Variants in ADAMTS3 observed in about 807,000 individuals in gnomAD.
ADAMTS3 encodes the protein A disintegrin and metalloproteinase with thrombospondin motifs 3.
ADAMTS3 carries 73 observed loss-of-function variants against 129.0 expected under a neutral mutation model. That is an observed-to-expected ratio of 0.57 (90% CI 0.47 to 0.69). ADAMTS3 has a LOEUF of 0.69. Among genes scored for constraint, ADAMTS3 ranks in the 30% least tolerant of loss-of-function variants. The pLI, the probability that ADAMTS3 is intolerant of heterozygous loss-of-function variation, is 0.00. For synonymous variants in ADAMTS3, 477 were observed against 510.8 expected, an observed-to-expected ratio of 0.93 and a Z score of 0.89; for missense variants, 1,457 against 1,514.5, an observed-to-expected ratio of 0.96 and a Z score of 0.63.
chr4:72,410,701 G>C (rs894861143), intron 4 of ADAMTS3, among the ~76,000 whole-genome samples: 1 of 152,056 alleles, frequency 6.6e-6, no homozygotes, highest in African/African-American at 2.4e-5. Flanking sequence ...TTAGACAAAT[G>C]ATTGATTTAA....
intron 3 of ADAMTS3, among the ~76,000 whole-genome samples, chr4:72,486,669 C>T (rs937927406): frequency 6.6e-6 from 1 of 151,946 alleles, no homozygotes; most frequent in African/African-American, 2.4e-5. Context: ...AATTCTTTCC[C>T]AAAACAGACT....
rs781420930 is a variant in ADAMTS3 at position 72,558,616 on chromosome 4, C to T, written c.97+8758G>A. Among the ~76,000 whole-genome samples the T allele has an allele frequency of 1.2e-4, 18 of 151,670 alleles. 1 individual carries two copies. The highest frequency in any genetic ancestry group is 2.7e-4 in the African/African-American group (11 of 40,994). ...AGGATCCAGGCACAGACATCTTTGG[C>T]GTGCCATTATTCTGCCTGCCACAGC... On this transcript the variant is annotated intron_variant, in intron 2 of 21. Transcript: ENST00000286657.
At position 72,385,430 on chromosome 4, in the gene ADAMTS3, C is replaced by T. The variant is rs985417358; in HGVS notation, c.661+29385G>A. ...AGGTAATAAATAAGGTACACAGGTA[C>T]GAAGAGCAGGTAGGACAAACAGACA... is the stretch of plus-strand genomic sequence containing the variant. On this transcript the variant is annotated intron_variant, in intron 4 of 21. Transcript: ENST00000286657. Among the ~76,000 whole-genome samples, 5 of 151,766 alleles carry T rather than the reference C, an allele frequency of 3.3e-5. No individual in the cohort carries two copies. The East Asian group carries it at 5.8e-4, about 18-fold the overall frequency.
intron 12 of ADAMTS3, among the ~76,000 whole-genome samples, chr4:72,313,215 TAGATA>T (rs375177265): frequency 1.3e-5 from 2 of 152,190 alleles, no homozygotes; most frequent in African/African-American, 4.8e-5. Context: ...AGTGAATGAA[TAGATA>T]ACTTTCCCCC....
chr4:72,321,613 T>A (rs371153246), intron 6 of ADAMTS3, among the ~76,000 whole-genome samples: 2 of 152,170 alleles, frequency 1.3e-5, no homozygotes, highest in African/African-American at 2.4e-5. Context: ...TTTCCAGAGA[T>A]GTGAAGGTAT....
intron 4 of ADAMTS3, among the ~76,000 whole-genome samples, chr4:72,359,202 G>A (rs928390137): frequency 6.6e-6 from 1 of 151,976 alleles, no homozygotes; most frequent in Admixed American, 6.6e-5. Context: ...TTTACAATCA[G>A]ACAAGTAACT....
At chr4:72,398,698 T>A (rs1313983103) in intron 4 of ADAMTS3, among the ~76,000 whole-genome samples, 1 of 152,194 alleles carries the variant, frequency 6.6e-6, no homozygotes, top group East Asian at 1.9e-4. Context: ...CTCATGCACA[T>A]CTTTATGAAA....
At chr4:72,566,851 G>A (rs898862624) in intron 2 of ADAMTS3, among the ~76,000 whole-genome samples, 1 of 152,116 alleles carries the variant, frequency 6.6e-6, no homozygotes, top group African/African-American at 2.4e-5. Context: ...TTAGCAAAAG[G>A]CCTAACAGTA....
intron 3 of ADAMTS3, among the ~76,000 whole-genome samples, chr4:72,528,987 C>A (rs1184590421): frequency 6.6e-6 from 1 of 152,016 alleles, no homozygotes; most frequent in Non-Finnish European, 1.5e-5. Flanking sequence ...ATATCAAAAG[C>A]ACCAATATAC....
At chr4:72,397,407 T>C (rs1721753512) in intron 4 of ADAMTS3, among the ~76,000 whole-genome samples, 1 of 151,862 alleles carries the variant, frequency 6.6e-6, no homozygotes. Flanking sequence ...CTACCAAAAG[T>C]ACAATAAATT....
intron 4 of ADAMTS3, among the ~76,000 whole-genome samples, chr4:72,351,897 C>T (rs1350093147): frequency 4.6e-5 from 7 of 151,924 alleles, no homozygotes; most frequent in Admixed American, 2.6e-4. Flanking sequence ...CAGAAAGCCA[C>T]GTTACAGAGG....
At chr4:72,530,343 A>C (rs1298826553) in intron 3 of ADAMTS3, among the ~76,000 whole-genome samples, 2 of 85,128 alleles carry the variant, frequency 2.3e-5, no homozygotes, top group East Asian at 3.5e-4. Context: ...ATAATATATA[A>C]TATATATTAA....
At chr4:72,493,019 T>G (rs899737012) in intron 3 of ADAMTS3, among the ~76,000 whole-genome samples, 13 of 151,902 alleles carry the variant, frequency 8.6e-5, no homozygotes, top group Non-Finnish European at 1.8e-4. Flanking sequence ...TAATGACTAT[T>G]TTGCCAAATA....
At position 72,281,274 on chromosome 4, in the gene ADAMTS3, T is replaced by A. The variant is rs1172812345; in HGVS notation, c.*1862A>T. ...ATCTGGAATTTGCCTAATTTGACCT[T>A]CAAAGTTCTTGCACAAAGTAGCAGC... On this transcript the variant is annotated 3_prime_UTR_variant, in exon 22 of 22. Transcript: ENST00000286657. 1 of 152,610 alleles carries A rather than the reference T, an allele frequency of 6.6e-6. No individual in the cohort carries two copies. The highest frequency in any genetic ancestry group is 1.9e-4 in the East Asian group (1 of 5,192). 9.5% of individuals were successfully genotyped at this position (152,610 alleles called of 1,614,324 possible).
At chr4:72,362,713 C>T (rs1720760854) in intron 4 of ADAMTS3, among the ~76,000 whole-genome samples, 1 of 152,038 alleles carries the variant, frequency 6.6e-6, no homozygotes, top group Non-Finnish European at 1.5e-5. Flanking sequence ...TTTTGGAAAA[C>T]CTTAATCATG....
At chr4:72,438,878 C>A (rs1238652330) in intron 3 of ADAMTS3, among the ~76,000 whole-genome samples, 1 of 151,710 alleles carries the variant, frequency 6.6e-6, no homozygotes, top group Non-Finnish European at 1.5e-5. Context: ...CAAAAAAGAT[C>A]AACTTGCTTA....
intron 15 of ADAMTS3, among the ~76,000 whole-genome samples, chr4:72,306,747 CA>C (rs1193202482): frequency 6.6e-6 from 1 of 151,930 alleles, no homozygotes; most frequent in Non-Finnish European, 1.5e-5. Context: ...CCTTTATATG[CA>C]CCCTAACCTC....
chr4:72,492,341 C>T (rs1403522988), intron 3 of ADAMTS3, among the ~76,000 whole-genome samples: 3 of 150,564 alleles, frequency 2.0e-5, no homozygotes, highest in Admixed American at 2.0e-4. Flanking sequence ...CTTTGAGGTG[C>T]AAAGTTTTTT....
At chr4:72,310,356 G>A (rs186292634) in intron 14 of ADAMTS3, among the ~76,000 whole-genome samples, 8 of 152,116 alleles carry the variant, frequency 5.3e-5, no homozygotes, top group Non-Finnish European at 1.0e-4. Flanking sequence ...TAGGTACTGC[G>A]GCAGGTAAAA....
Sources: allele counts gnomAD v4.1 joint callset (sites outside exome capture counted in the v4.1 genomes callset), GRCh38; gene constraint gnomAD v4.1.1; transcripts MANE v1.5; gene names NCBI Gene and HGNC (gene_info 2026-07-23, HGNC 2026-07-21).